Variants in RIMS2 observed in about 807,000 individuals in gnomAD.
RIMS2 encodes the protein regulating synaptic membrane exocytosis 2.
A neutral mutation model predicts 174.4 loss-of-function variants in RIMS2; 59 were observed. That is an observed-to-expected ratio of 0.34 (90% CI 0.27 to 0.42). The LOEUF (loss-of-function observed/expected upper bound fraction) is 0.42. RIMS2 is among the 10% of genes least tolerant of loss of function. The pLI, the probability that RIMS2 is intolerant of heterozygous loss-of-function variation, is 1.00. For missense variants in RIMS2, 1,620 were observed against 1,666.3 expected (o/e 0.97, Z 0.48); for synonymous variants, 606 against 572.5 (o/e 1.06, Z -0.84).
At chr8:103,964,763 C>A (rs1246859781) in intron 15 of RIMS2, among the ~76,000 whole-genome samples, 2 of 152,106 alleles carry the variant, frequency 1.3e-5, no homozygotes, top group African/African-American at 4.8e-5. Context: ...TCTATGATTT[C>A]TCCTATGTTA....
intron 19 of RIMS2, among the ~76,000 whole-genome samples, chr8:104,053,596 A>G (rs998668797): frequency 6.6e-6 from 1 of 152,224 alleles, no homozygotes; most frequent in East Asian, 1.9e-4. Flanking sequence ...AATGCAGTCA[A>G]TATTTCGGAT....
At chr8:103,723,772 A>G (rs1421017703) in intron 2 of RIMS2, among the ~76,000 whole-genome samples, 1 of 152,168 alleles carries the variant, frequency 6.6e-6, no homozygotes, top group Non-Finnish European at 1.5e-5. Flanking sequence ...CTTGAAGTGT[A>G]GGTCTATAGG....
chr8:103,874,336 C>T (rs763818070), intron 3 of RIMS2, among the ~76,000 whole-genome samples: 1 of 151,950 alleles, frequency 6.6e-6, no homozygotes, highest in Non-Finnish European at 1.5e-5. Context: ...ATGGCTCAAC[C>T]CTGAAGCAGT....
Position 103,931,874 on chromosome 8 carries a change from A to G in RIMS2, c.2375+481A>G, listed in dbSNP as rs558053247. On this transcript the variant is annotated intron_variant, in intron 12 of 23. Transcript: ENST00000504942. The stretch of plus-strand genomic sequence containing the variant: ...ACAAGTTGTTTTGTATCATCACCTT[A>G]TATCGTCAAGAAAACTTACCACAAG... 5.5e-4 allele frequency among the ~76,000 whole-genome samples: 84 copies of G among 152,198 alleles called. 2 individuals are homozygous for G. In the Middle Eastern group the frequency reaches 0.014, roughly 25 times the overall value.
intron 1 of RIMS2, among the ~76,000 whole-genome samples, chr8:103,612,624 G>A (rs2095409149): frequency 6.6e-6 from 1 of 152,074 alleles, no homozygotes. Context: ...TGTCACCCAG[G>A]CTGGAGTGCA....
At chr8:103,582,483 C>G (rs879672495) in intron 1 of RIMS2, among the ~76,000 whole-genome samples, 1 of 152,144 alleles carries the variant, frequency 6.6e-6, no homozygotes, top group African/African-American at 2.4e-5. Context: ...CAAGAGGGCT[C>G]TTGGGGTCCC....
intron 19 of RIMS2, among the ~76,000 whole-genome samples, chr8:104,107,965 C>CT (rs2098106292): frequency 1.6e-5 from 2 of 123,200 alleles, no homozygotes; most frequent in African/African-American, 2.9e-5. Flanking sequence ...GGTCTTTCCC[C>CT]TGCCCCCCCC....
At chr8:104,101,809 C>G (rs1445645835) in intron 19 of RIMS2, among the ~76,000 whole-genome samples, 1 of 152,136 alleles carries the variant, frequency 6.6e-6, no homozygotes, top group Non-Finnish European at 1.5e-5. Context: ...ATTTAGTTAG[C>G]AGTTTTTATA....
chr8:103,612,843 A>T (rs1467966827), intron 1 of RIMS2, among the ~76,000 whole-genome samples: 1 of 152,170 alleles, frequency 6.6e-6, no homozygotes, highest in African/African-American at 2.4e-5. Context: ...TGCTGGGATT[A>T]CAGGCGTGAG....
chr8:103,675,688 A>G (rs1359294320), intron 1 of RIMS2, among the ~76,000 whole-genome samples: 1 of 152,172 alleles, frequency 6.6e-6, no homozygotes, highest in African/African-American at 2.4e-5. Flanking sequence ...TATTTAACTG[A>G]CAATTATGAA....
chr8:104,024,771 T>C (rs2096210220), intron 19 of RIMS2, among the ~76,000 whole-genome samples: 1 of 152,166 alleles, frequency 6.6e-6, no homozygotes, highest in Non-Finnish European at 1.5e-5. Context: ...TAAAGTGTCT[T>C]AAGATTGTGG....
At chr8:104,022,083 T>G (rs1597277804) in intron 19 of RIMS2, among the ~76,000 whole-genome samples, 1 of 152,188 alleles carries the variant, frequency 6.6e-6, no homozygotes, top group Non-Finnish European at 1.5e-5. Context: ...AAGACCATAT[T>G]AGGTTTACAA....
At chr8:104,148,507 G>C in intron 19 of RIMS2, 100 bp from the exon 25 acceptor site, 5 of 1,098,232 alleles carry the variant, frequency 4.6e-6, no homozygotes, top group Non-Finnish European at 6.3e-6. Context: ...TTCCATAGAT[G>C]ATATAATTTA....
At chr8:103,792,621 GT>G (rs1400473364) in intron 3 of RIMS2, among the ~76,000 whole-genome samples, 1 of 140,974 alleles carries the variant, frequency 7.1e-6, no homozygotes, top group Non-Finnish European at 1.5e-5. Context: ...CAAAAAATCA[GT>G]GAATCCAGGA....
At chr8:104,171,723 A>T (rs967567297) in intron 19 of RIMS2, among the ~76,000 whole-genome samples, 4 of 152,116 alleles carry the variant, frequency 2.6e-5, no homozygotes, top group Non-Finnish European at 4.4e-5. Flanking sequence ...CTGTTTTCTC[A>T]TATTACCAGA....
At chr8:103,932,145 T>C (rs1476655560) in intron 12 of RIMS2, among the ~76,000 whole-genome samples, 1 of 152,222 alleles carries the variant, frequency 6.6e-6, no homozygotes, top group Non-Finnish European at 1.5e-5. Context: ...CAATTATCTG[T>C]CTGCATCCCT....
chr8:103,933,269 G>T (rs2080399665), intron 12 of RIMS2, among the ~76,000 whole-genome samples: 1 of 121,958 alleles, frequency 8.2e-6, no homozygotes, highest in Non-Finnish European at 1.5e-5. Context: ...CTCCAGCCTG[G>T]GCAACAGATC....
chr8:103,745,169 A>G (rs1363174379), intron 2 of RIMS2, among the ~76,000 whole-genome samples: 5 of 152,212 alleles, frequency 3.3e-5, no homozygotes, highest in African/African-American at 9.6e-5. Flanking sequence ...CCCTGTACCC[A>G]TTAGTAGTCA....
chr8:103,744,277 C>A (rs3107478), intron 2 of RIMS2, among the ~76,000 whole-genome samples: 54,044 of 151,850 alleles, frequency 0.36, 10,340 homozygotes, highest in East Asian at 0.77. Context: ...ATCTCTTGAC[C>A]TTGCGATCCA....
Sources: gnomAD v4.1 joint callset for allele counts (sites outside exome capture counted in the v4.1 genomes callset) on GRCh38, gnomAD v4.1.1 for gene constraint, MANE v1.5 for transcripts, NCBI Gene and HGNC (gene_info 2026-07-23, HGNC 2026-07-21) for gene names.